Variants in GALNT13 observed in about 807,000 individuals in gnomAD.
The protein encoded by GALNT13 is polypeptide N-acetylgalactosaminyltransferase 13.
GALNT13 carries 28 observed loss-of-function variants against 64.2 expected under a neutral mutation model. The ratio of observed to expected loss-of-function variants is 0.44; its 90% confidence interval spans 0.32 to 0.60. GALNT13 has a LOEUF of 0.60. Among genes scored for constraint, GALNT13 ranks in the 20% least tolerant of loss-of-function variants. The pLI, the probability that GALNT13 is intolerant of heterozygous loss-of-function variation, is 0.05. For synonymous variants in GALNT13, 214 were observed against 224.6 expected (o/e 0.95, Z 0.42); for missense variants, 577 against 669.8 (o/e 0.86, Z 1.53).
chr2:153,104,476 C>A, the GALNT13 span, among the ~76,000 whole-genome samples: 1 of 152,144 alleles, frequency 6.6e-6, no homozygotes, highest in African/African-American at 2.4e-5. Context: ...TGACAAAAAA[C>A]AATGAAAAGG....
chr2:154,032,113 A>G (rs890714259), intron 3 of GALNT13, among the ~76,000 whole-genome samples: 2 of 151,984 alleles, frequency 1.3e-5, no homozygotes, highest in Non-Finnish European at 2.9e-5. Context: ...GGAAAAACTA[A>G]TAAATATAGA....
chr2:153,686,054 T>C, the GALNT13 span, among the ~76,000 whole-genome samples: 1 of 152,134 alleles, frequency 6.6e-6, no homozygotes, highest in Non-Finnish European at 1.5e-5. Context: ...AGCCCTGTAG[T>C]ATAATTTGAA....
At chr2:153,211,384 C>A in the GALNT13 span, among the ~76,000 whole-genome samples, 1 of 152,098 alleles carries the variant, frequency 6.6e-6, no homozygotes, top group African/African-American at 2.4e-5. Context: ...CTCAGGCAAT[C>A]CACCCATCTT....
the GALNT13 span, among the ~76,000 whole-genome samples, chr2:153,175,000 ATTTGATTACTCTGGGTG>A: frequency 6.6e-6 from 1 of 152,100 alleles, no homozygotes; most frequent in Non-Finnish European, 1.5e-5. Context: ...GGATTATTAG[ATTTGATTACTCTGGGTG>A]TTTGATCAAA....
rs547101846 is a variant in GALNT13 at position 154,300,150 on chromosome 2, G to A, written c.976-1259G>A. On this transcript the variant is annotated intron_variant, in intron 8 of 12. Transcript: ENST00000392825. ...AGTTTCGCTTTTGTCACCCAGGCTG[G>A]AGTGCAATGGCGCGTGATCTCGGCT... 3.0e-5 allele frequency among the ~76,000 whole-genome samples: 4 copies of A among 134,062 alleles called. No individual in the cohort carries two copies. In the South Asian group the frequency reaches 9.5e-4, roughly 32 times the overall value. 87.9% of individuals were successfully genotyped at this position (134,062 alleles called of 152,430 possible).
chr2:153,547,379 A>G, the GALNT13 span, among the ~76,000 whole-genome samples: 2 of 152,198 alleles, frequency 1.3e-5, no homozygotes, highest in Non-Finnish European at 2.9e-5. Flanking sequence ...TATTACTTCT[A>G]TTTTCATTGA....
chr2:153,081,003 C>T, the GALNT13 span, among the ~76,000 whole-genome samples: 1 of 151,900 alleles, frequency 6.6e-6, no homozygotes, highest in East Asian at 1.9e-4. Context: ...GAATCTCTCT[C>T]CTTTAAAATT....
chr2:153,690,242 C>T, the GALNT13 span, among the ~76,000 whole-genome samples: 1 of 152,198 alleles, frequency 6.6e-6, no homozygotes, highest in South Asian at 2.1e-4. Flanking sequence ...TACTTATACT[C>T]TTGTTATTTG....
chr2:154,351,608 T>G (rs1434530259), intron 9 of GALNT13, among the ~76,000 whole-genome samples: 1 of 136,324 alleles, frequency 7.3e-6, no homozygotes, highest in African/African-American at 2.7e-5. Context: ...GCGTGAACCC[T>G]GGAGGCGGAG....
the GALNT13 span, among the ~76,000 whole-genome samples, chr2:153,405,074 A>G: frequency 1.3e-5 from 2 of 152,184 alleles, no homozygotes; most frequent in Non-Finnish European, 2.9e-5. Context: ...TTTTGTATCC[A>G]GTAGGTTACA....
At chr2:154,228,624 G>GT (rs1688754259) in intron 4 of GALNT13, among the ~76,000 whole-genome samples, 1 of 152,174 alleles carries the variant, frequency 6.6e-6, no homozygotes, top group African/African-American at 2.4e-5. Context: ...TTAATTGGGT[G>GT]TTGCCACCAA....
the GALNT13 span, among the ~76,000 whole-genome samples, chr2:153,688,021 C>A: frequency 6.6e-6 from 1 of 151,902 alleles, no homozygotes; most frequent in Non-Finnish European, 1.5e-5. Flanking sequence ...GCCAAAGTAA[C>A]TACACAGTTA....
chr2:153,294,691 C>T, the GALNT13 span, among the ~76,000 whole-genome samples: 4 of 152,064 alleles, frequency 2.6e-5, no homozygotes, highest in Non-Finnish European at 5.9e-5. Flanking sequence ...GTGGATGGAA[C>T]TACAGGATTG....
chr2:153,303,584 T>C, the GALNT13 span, among the ~76,000 whole-genome samples: 30 of 152,190 alleles, frequency 2.0e-4, 1 homozygote, highest in Non-Finnish European at 4.0e-4. Context: ...TCTGGTACTA[T>C]GTTGAATAGA....
the GALNT13 span, among the ~76,000 whole-genome samples, chr2:153,670,315 G>A: frequency 1.3e-5 from 2 of 152,152 alleles, no homozygotes; most frequent in African/African-American, 4.8e-5. Flanking sequence ...TTTCATACAG[G>A]TGGTTGCCTC....
the GALNT13 span, among the ~76,000 whole-genome samples, chr2:153,610,571 A>G: frequency 6.6e-6 from 1 of 152,126 alleles, no homozygotes. Flanking sequence ...GCTACTTGGG[A>G]GGCTGAGGCA....
the GALNT13 span, among the ~76,000 whole-genome samples, chr2:153,717,420 T>C: frequency 6.6e-6 from 1 of 152,214 alleles, no homozygotes; most frequent in South Asian, 2.1e-4. Flanking sequence ...TCTAAACTCT[T>C]GCAGGATACC....
chr2:153,913,303 A>G (rs970087802), intron 2 of GALNT13, among the ~76,000 whole-genome samples: 2 of 152,132 alleles, frequency 1.3e-5, no homozygotes, highest in Non-Finnish European at 2.9e-5. Flanking sequence ...GGGGGGCAGC[A>G]TGCATCCATG....
At chr2:153,749,652 T>C in the GALNT13 span, among the ~76,000 whole-genome samples, 1 of 152,140 alleles carries the variant, frequency 6.6e-6, no homozygotes, top group East Asian at 1.9e-4. Flanking sequence ...ACTGTTGGCA[T>C]ATAGAAATGC....
Sources: gnomAD v4.1 joint callset for allele counts (sites outside exome capture counted in the v4.1 genomes callset) on GRCh38, gnomAD v4.1.1 for gene constraint, MANE v1.5 for transcripts, NCBI Gene and HGNC (gene_info 2026-07-23, HGNC 2026-07-21) for gene names.